TASP1: variants seen among roughly 807,000 people sequenced by gnomAD.
TASP1 encodes the protein taspase 1, also known as threonine aspartase 1.
Under a neutral mutation model 56.6 loss-of-function variants are expected in TASP1, and 16 were observed. That is an observed-to-expected ratio of 0.28 (90% CI 0.19 to 0.43). The LOEUF (loss-of-function observed/expected upper bound fraction) is 0.43, where lower values mean the gene tolerates loss of function less well. TASP1 is among the 20% of genes least tolerant of loss of function. The probability of loss-of-function intolerance (pLI) is 1.00; values close to 1 mark genes in which losing one functional copy is unlikely to be tolerated. For synonymous variants in TASP1, 179 were observed against 184.2 expected, an observed-to-expected ratio of 0.97 and a Z score of 0.23; for missense variants, 393 against 511.6, an observed-to-expected ratio of 0.77 and a Z score of 2.24.
intron 5 of TASP1, among the ~76,000 whole-genome samples, chr20:13,582,165 T>A (rs1198302897): frequency 6.6e-6 from 1 of 151,416 alleles, no homozygotes; most frequent in Non-Finnish European, 1.5e-5. Context: ...ATCCCTTTAC[T>A]AGTTCTTAAA....
In TASP1 at chr20:13,396,269, ATTC is replaced by A. The variant is rs1444066759; in HGVS notation, c.1171-5820_1171-5818del. Among the ~76,000 whole-genome samples the A allele has an allele frequency of 4.6e-5, 7 of 152,236 alleles. 1 individual carries two copies. Among genetic ancestry groups the A allele is most frequent in the African/African-American group, 1.4e-4 (6 of 41,450 alleles). On this transcript the variant is annotated intron_variant, in intron 13 of 13. Coordinates refer to ENST00000337743, the MANE Select transcript of TASP1 (RefSeq NM_017714.3). ...ATTTGTGAATAACTATATTCTAAGCATTCTTTGTGTGCAGCATTAAACCTTGGA... is the reference window on the plus strand; with the variant it reads ...ATTTGTGAATAACTATATTCTAAGCATTTGTGTGCAGCATTAAACCTTGGA...
chr20:13,121,102 G>A, the TASP1 span, among the ~76,000 whole-genome samples: 1 of 152,170 alleles, frequency 6.6e-6, no homozygotes, highest in Admixed American at 6.5e-5. Context: ...TGGGAAATGT[G>A]GTCAATGCCG....
intron 10 of TASP1, among the ~76,000 whole-genome samples, chr20:13,508,134 A>T (rs1208072389): frequency 6.6e-6 from 1 of 152,190 alleles, no homozygotes; most frequent in Non-Finnish European, 1.5e-5. Context: ...CTAAAGGAGT[A>T]AAACTCCTAG....
chr20:13,630,131 T>A lies in TASP1; in HGVS notation c.-53A>T. 1 of 1,570,428 alleles carries A rather than the reference T, an allele frequency of 6.4e-7. No homozygotes were observed. The highest frequency in any genetic ancestry group is 8.6e-7 in the Non-Finnish European group (1 of 1,161,704). On this transcript the variant is annotated 5_prime_UTR_variant, in exon 2 of 14. Transcript: ENST00000337743. ...AAAGGGGCATACTTCCATCCAAAAGTAATTGCAGGAGAGGAATTACCCTAA... is the reference window on the plus strand; with the variant it reads ...AAAGGGGCATACTTCCATCCAAAAGAAATTGCAGGAGAGGAATTACCCTAA...
intron 13 of TASP1, among the ~76,000 whole-genome samples, chr20:13,413,369 G>A (rs2042153242): frequency 6.6e-6 from 1 of 151,894 alleles, no homozygotes; most frequent in Non-Finnish European, 1.5e-5. Context: ...AATATTTGTT[G>A]AGTAAATTTT....
chr20:13,212,913 T>A, the TASP1 span, among the ~76,000 whole-genome samples: 2 of 152,218 alleles, frequency 1.3e-5, no homozygotes, highest in South Asian at 2.1e-4. Context: ...AATGAGGCAC[T>A]ACACCCTGAG....
At chr20:13,202,309 G>A in the TASP1 span, among the ~76,000 whole-genome samples, 1 of 152,190 alleles carries the variant, frequency 6.6e-6, no homozygotes, top group Non-Finnish European at 1.5e-5. Context: ...TGGTTATACA[G>A]TGCATCCACC....
intron 10 of TASP1, among the ~76,000 whole-genome samples, chr20:13,518,183 T>G (rs1215404703): frequency 6.6e-6 from 1 of 152,040 alleles, no homozygotes; most frequent in Non-Finnish European, 1.5e-5. Context: ...TGACAAAAAT[T>G]ATGAAGGTTT....
At chr20:13,260,248 G>A in the TASP1 span, among the ~76,000 whole-genome samples, 1 of 152,162 alleles carries the variant, frequency 6.6e-6, no homozygotes, top group Admixed American at 6.5e-5. Flanking sequence ...AGTGTCGGGG[G>A]GTCCTGTTAA....
the TASP1 span, chr20:13,165,388 A>G: frequency 1.2e-4 from 18 of 152,688 alleles, no homozygotes; most frequent in African/African-American, 4.3e-4. Context: ...TGTTTCTACC[A>G]TTTGTCACAT....
the TASP1 span, among the ~76,000 whole-genome samples, chr20:13,145,973 T>C: frequency 1.3e-5 from 2 of 152,216 alleles, no homozygotes; most frequent in Non-Finnish European, 2.9e-5. Context: ...GCCACATGCA[T>C]GCGAATGTTC....
At chr20:13,139,596 G>C in the TASP1 span, among the ~76,000 whole-genome samples, 2 of 152,286 alleles carry the variant, frequency 1.3e-5, no homozygotes, top group African/African-American at 4.8e-5. Context: ...AAGGCACATT[G>C]CATTTCTGCC....
chr20:13,371,449 CAT>C, the TASP1 span, among the ~76,000 whole-genome samples: 3 of 149,430 alleles, frequency 2.0e-5, no homozygotes, highest in Non-Finnish European at 4.5e-5. Context: ...TAAATTTACA[CAT>C]GTTCGTGAAT....
the TASP1 span, chr20:13,117,557 A>G: frequency 6.2e-7 from 1 of 1,612,560 alleles, no homozygotes. Context: ...TAAAGAAGAA[A>G]TACAAGGCTT....
At chr20:13,366,201 G>T in the TASP1 span, among the ~76,000 whole-genome samples, 1 of 152,312 alleles carries the variant, frequency 6.6e-6, no homozygotes, top group East Asian at 1.9e-4. Context: ...GAGTTTGGAT[G>T]CAGTTCAGGC....
the TASP1 span, among the ~76,000 whole-genome samples, chr20:13,366,616 G>C: frequency 1.3e-5 from 2 of 152,132 alleles, no homozygotes; most frequent in African/African-American, 2.4e-5. Context: ...CTATGTGGTT[G>C]ATTTTTCTTT....
chr20:13,179,940 C>T, the TASP1 span, among the ~76,000 whole-genome samples: 2 of 152,158 alleles, frequency 1.3e-5, no homozygotes, highest in African/African-American at 4.8e-5. Context: ...CAAGCCCCTC[C>T]CATACTGGAG....
At chr20:13,221,682 T>C in the TASP1 span, 5 of 1,092,160 alleles carry the variant, frequency 4.6e-6, no homozygotes, top group Non-Finnish European at 5.8e-6. Flanking sequence ...GGAGCCGCGC[T>C]GCCGGGCTCC....
the TASP1 span, among the ~76,000 whole-genome samples, chr20:13,285,849 T>C: frequency 1.3e-5 from 2 of 152,228 alleles, no homozygotes; most frequent in South Asian, 2.1e-4. Flanking sequence ...CATAGTTTAA[T>C]GCTAAAATCT....
Sources: allele counts gnomAD v4.1 joint callset (sites outside exome capture counted in the v4.1 genomes callset), GRCh38; gene constraint gnomAD v4.1.1; transcripts MANE v1.5; gene names NCBI Gene and HGNC (gene_info 2026-07-23, HGNC 2026-07-21).